The following TMTC3 variants were observed in gnomAD, a reference collection of about 807,000 sequenced individuals.
The protein encoded by TMTC3 is transmembrane O-mannosyltransferase targeting cadherins 3.
TMTC3 carries 52 observed loss-of-function variants against 92.2 expected under a neutral mutation model. That is an observed-to-expected ratio of 0.56 (90% CI 0.45 to 0.71). The LOEUF is 0.71. Among genes scored for constraint, TMTC3 ranks in the 30% least tolerant of loss-of-function variants. The pLI is 0.00. For synonymous variants in TMTC3, 339 were observed against 363.3 expected, an observed-to-expected ratio of 0.93 and a Z score of 0.76; for missense variants, 896 against 1,057.1, an observed-to-expected ratio of 0.85 and a Z score of 2.11.
At chr12:88,185,714 T>C (rs2041369823) in intron 10 of TMTC3, among the ~76,000 whole-genome samples, 1 of 152,186 alleles carries the variant, frequency 6.6e-6, no homozygotes, top group Admixed American at 6.5e-5. Context: ...CTCTCCTGCC[T>C]TTCTTAATTC....
chr12:88,195,638 A>G lies in TMTC3; in HGVS notation c.2734A>G (p.Asn912Asp), dbSNP rs762844227. 3.2e-6 allele frequency: 5 copies of G among 1,586,430 alleles called. No individual in the cohort carries two copies. Among genetic ancestry groups the G allele is most frequent in the Non-Finnish European group, 4.3e-6 (5 of 1,170,254 alleles). ...ACTAGAAGAGATTGAACGTATTTTA[A>G]ATGGTGAATAACATTAATATTTATC... is the stretch of plus-strand genomic sequence containing the variant. ...KRLEEIERILNGE is the reference protein window; with the variant it reads ...KRLEEIERILDGE The change falls in exon 14 of 14, where the codon AAT (asparagine) becomes GAT (aspartate). Residue 912 changes from asparagine to aspartate, a missense_variant. Coordinates refer to ENST00000266712, the MANE Select transcript of TMTC3 (RefSeq NM_181783.4).
Position 88,195,166 on chromosome 12 carries a change from A to G in TMTC3, c.2262A>G (p.Leu754=), listed in dbSNP as rs1172513901. The G allele has an allele frequency of 6.2e-7, 1 of 1,613,874 alleles. No homozygotes were observed. The highest frequency in any genetic ancestry group is 1.1e-5 in the South Asian group (1 of 91,082). The change falls in exon 14 of 14, where the codon CTA becomes CTG. Residue 754 remains leucine (L), a synonymous_variant. Coordinates refer to ENST00000266712, the MANE Select transcript of TMTC3 (RefSeq NM_181783.4). The part of the protein sequence containing the change: ...DILMNQKKDI[L]GAKKCFERIL... ...TGATGAATCAAAAGAAAGATATACT[A>G]GGAGCAAAAAAATGTTTTGAAAGGA...
rs759061302 is a variant in TMTC3, at chr12:88,194,872, A to G, written c.1968A>G (p.Arg656=). ...EVKLRPEARK[R]LLSYINEEPL... ...AACTCAGACCTGAAGCTAGAAAACG[A>G]CTTCTAAGTTATATAAATGAAGAGC... Residue 656 remains arginine (R), a synonymous_variant, in exon 14 of 14, where the codon CGA becomes CGG. Transcript: ENST00000266712. The G allele has an allele frequency of 3.7e-6, 6 of 1,602,520 alleles. No homozygotes were observed. Among genetic ancestry groups the G allele is most frequent in the Non-Finnish European group, 5.1e-6 (6 of 1,175,632 alleles).
intron 4 of TMTC3, among the ~76,000 whole-genome samples, chr12:88,156,779 C>G (rs929298824): frequency 1.3e-5 from 2 of 149,118 alleles, no homozygotes; most frequent in Non-Finnish European, 3.0e-5. Flanking sequence ...CTTAAAATAA[C>G]CTCGAAATGC....
chr12:88,199,203 G>GAAAC lies in TMTC3; in HGVS notation c.*3557_*3560dup, dbSNP rs1260897065. The GAAAC allele has an allele frequency of 2.0e-5, 3 of 152,050 alleles. No individual in the cohort carries two copies. In the South Asian group the frequency reaches 6.2e-4, roughly 32 times the overall value. 9.4% of individuals were successfully genotyped at this position (152,050 alleles called of 1,614,324 possible). A position where few individuals can be genotyped will look rare whatever the true frequency, so the allele number is the denominator to read the frequency against. On this transcript the variant is annotated 3_prime_UTR_variant, in exon 14 of 14. Transcript: ENST00000266712. Reference sequence around the variant, plus strand: ...GTGACAACCACCAAATTAAGAAAAGGAAACAACTCAGACTTGGAATTTTAT... The same window carrying GAAAC: ...GTGACAACCACCAAATTAAGAAAAGGAAACAAACAACTCAGACTTGGAATTTTAT...
rs1221993365 is a variant in TMTC3, at chr12:88,199,206, A to C, written c.*3557A>C. 6.6e-6 allele frequency: 1 copy of C among 152,080 alleles called. No homozygotes were observed. Among genetic ancestry groups the C allele is most frequent in the Non-Finnish European group, 1.5e-5 (1 of 67,974 alleles). The allele number at this position is 152,080 out of a possible 1,614,324, so 9.4% of individuals were successfully genotyped here. On this transcript the variant is annotated 3_prime_UTR_variant, in exon 14 of 14. Coordinates refer to ENST00000266712, the MANE Select transcript of TMTC3 (RefSeq NM_181783.4). ...ACAACCACCAAATTAAGAAAAGGAA[A>C]CAACTCAGACTTGGAATTTTATACG...
intron 2 of TMTC3, among the ~76,000 whole-genome samples, chr12:88,148,802 C>T (rs543287086): frequency 1.4e-4 from 21 of 151,150 alleles, no homozygotes; most frequent in African/African-American, 2.7e-4. Context: ...GGGTATATTG[C>T]GTTATGCTGA....
Position 88,192,777 on chromosome 12 carries a change from A to G in TMTC3, c.1880A>G (p.Asn627Ser), listed in dbSNP as rs765787935. ...LKNFNRALEL[N>S]PKHKLALFNS... The stretch of plus-strand genomic sequence containing the variant: ...AACTTTAATCGTGCTCTGGAACTAA[A>G]TCCAAAGCATAAACTAGCATTATTC... The change falls in exon 13 of 14, where the codon AAT (asparagine) becomes AGT (serine). Residue 627 changes from asparagine to serine, a missense_variant. Physicochemically the swap from Asn to Ser is conservative, Grantham distance 46 (BLOSUM62 1). Transcript: ENST00000266712. The G allele has an allele frequency of 1.2e-6, 2 of 1,613,354 alleles. No homozygotes were observed. Among genetic ancestry groups the G allele is most frequent in the South Asian group, 2.2e-5 (2 of 91,072 alleles).
At chr12:88,152,118 G>A (rs147030192) in intron 2 of TMTC3, among the ~76,000 whole-genome samples, 53 of 152,286 alleles carry the variant, frequency 3.5e-4, no homozygotes, top group Non-Finnish European at 5.4e-4. Context: ...TCTGTTTTGC[G>A]TTAGTATAAA....
At position 88,159,503 on chromosome 12, in the gene TMTC3, T is replaced by TA. The variant is rs897500698; in HGVS notation, c.509-600dup. ...TAGCAACACCCTGTCTCTACAGAAATAAAAAAAAAAATAGCCAGATGTGGT... is the reference window on the plus strand; with the variant it reads ...TAGCAACACCCTGTCTCTACAGAAATAAAAAAAAAAAATAGCCAGATGTGGT... On this transcript the variant is annotated intron_variant, in intron 4 of 13. Coordinates refer to ENST00000266712, the MANE Select transcript of TMTC3 (RefSeq NM_181783.4). Among the ~76,000 whole-genome samples, 299 of 144,674 alleles carry TA rather than the reference T, an allele frequency of 2.1e-3. 1 individual carries two copies. The Middle Eastern group carries it at 0.021, about 10-fold the overall frequency. The allele number at this position is 144,674 out of a possible 152,430, so 94.9% of individuals were successfully genotyped here.
At chr12:88,170,342 T>A (rs1041422485) in intron 7 of TMTC3, among the ~76,000 whole-genome samples, 1 of 151,744 alleles carries the variant, frequency 6.6e-6, no homozygotes, top group African/African-American at 2.4e-5. Context: ...ATAGGTATAA[T>A]TTTTTTTTCA....
chr12:88,174,588 C>A lies in TMTC3; in HGVS notation c.1200-19C>A, dbSNP rs746447536. On this transcript the variant is annotated intron_variant, in intron 8 of 13. Transcript: ENST00000266712. The stretch of plus-strand genomic sequence containing the variant: ...GATGAAGACAATTTTTTTTGTTTTG[C>A]TTTTTTTCTCTTAAACAGTGTATTT... 1 of 1,582,002 alleles carries A rather than the reference C, an allele frequency of 6.3e-7. No individual in the cohort carries two copies. The highest frequency in any genetic ancestry group is 8.6e-7 in the Non-Finnish European group (1 of 1,169,296).
chr12:88,193,851 C>G (rs548375059), intron 13 of TMTC3, among the ~76,000 whole-genome samples: 4 of 152,034 alleles, frequency 2.6e-5, no homozygotes, highest in African/African-American at 9.7e-5. Flanking sequence ...CAAGATTGTA[C>G]TATAAGGTTT....
chr12:88,188,807 T>C, intron 10 of TMTC3, 36 bp from the exon 11 acceptor site: 1 of 1,077,934 alleles, frequency 9.3e-7, no homozygotes, highest in Non-Finnish European at 1.4e-6. Context: ...ATATCAGTTG[T>C]ATACTTGCCA....
At position 88,172,694 on chromosome 12, in the gene TMTC3, T is replaced by C. The variant is rs147755378; in HGVS notation, c.1148T>C (p.Met383Thr). ...GAGCGAGTATTATATGTTCCCAGCA[T>C]GGGGTTCTGTATTTTGGTAGCCCAT... ...VAERVLYVPS[M>T]GFCILVAHGW... Residue 383 changes from methionine (M) to threonine (T), a missense_variant, in exon 8 of 14, where the codon ATG (methionine) becomes ACG (threonine). Coordinates refer to ENST00000266712, the MANE Select transcript of TMTC3 (RefSeq NM_181783.4). 1.2e-6 allele frequency: 2 copies of C among 1,603,032 alleles called. No homozygotes were observed. The highest frequency in any genetic ancestry group is 1.7e-6 in the Non-Finnish European group (2 of 1,175,590).
intron 10 of TMTC3, among the ~76,000 whole-genome samples, chr12:88,176,879 A>G (rs58258843): frequency 0.069 from 10,568 of 152,156 alleles, 1,251 homozygotes; most frequent in African/African-American, 0.24. Flanking sequence ...ATGGGTGCAA[A>G]AGCCTGATAG....
At chr12:88,176,115 T>C (rs2041256175) in intron 9 of TMTC3, 93 bp from the exon 10 acceptor site, 1 of 825,784 alleles carries the variant, frequency 1.2e-6, no homozygotes, top group Non-Finnish European at 1.9e-6. Context: ...CCATAGAACA[T>C]TATTTTCTTA....
Position 88,198,606 on chromosome 12 carries a change from G to C in TMTC3, c.*2957G>C, listed in dbSNP as rs1479790662. 1.3e-5 allele frequency: 5 copies of C among 390,102 alleles called. No individual in the cohort carries two copies. Among genetic ancestry groups the C allele is most frequent in the African/African-American group, 2.1e-5 (1 of 48,424 alleles). The allele number at this position is 390,102 out of a possible 1,614,324, so 24.2% of individuals were successfully genotyped here. A position where few individuals can be genotyped will look rare whatever the true frequency, so the allele number is the denominator to read the frequency against. On this transcript the variant is annotated 3_prime_UTR_variant, in exon 14 of 14. Coordinates refer to ENST00000266712, the MANE Select transcript of TMTC3 (RefSeq NM_181783.4). ...AACGTATTTTGCTTTTCAATTTTGT[G>C]TTTGTTTACTTTTATGTAAAAATTT...
Position 88,166,549 on chromosome 12 carries a change from A to T in TMTC3, c.1017A>T (p.Arg339Ser). The change falls in exon 7 of 14, where the codon AGA becomes AGT. Residue 339 changes from arginine to serine, a missense_variant. By Grantham distance (110) the Arg-to-Ser change is moderately radical. Coordinates refer to ENST00000266712, the MANE Select transcript of TMTC3 (RefSeq NM_181783.4). ...FLGMLGVFSI[R>S]YSGDSSKTVL... ...GGATGTTGGGAGTATTCAGTATCAG[A>T]TACTCTGGTGATTCCTCCAAGACTG... The T allele has an allele frequency of 6.2e-7, 1 of 1,613,860 alleles. No individual in the cohort carries two copies. The highest frequency in any genetic ancestry group is 8.5e-7 in the Non-Finnish European group (1 of 1,179,872).
Sources: gnomAD v4.1 joint callset for allele counts (sites outside exome capture counted in the v4.1 genomes callset) on GRCh38, gnomAD v4.1.1 for gene constraint, MANE v1.5 for transcripts, NCBI Gene and HGNC (gene_info 2026-07-23, HGNC 2026-07-21) for gene names.